Variants in CACNA2D3 observed in about 807,000 individuals in gnomAD.
CACNA2D3 encodes calcium voltage-gated channel auxiliary subunit alpha2delta 3.
A neutral mutation model predicts 160.6 loss-of-function variants in CACNA2D3; 60 were observed. The ratio of observed to expected loss-of-function variants is 0.37; its 90% CI spans 0.30 to 0.46. The LOEUF is 0.46. Among genes scored for constraint, CACNA2D3 ranks in the 20% least tolerant of loss-of-function variants. The pLI is 1.00. For missense variants in CACNA2D3, 1,205 were observed against 1,365.0 expected, an observed-to-expected ratio of 0.88 and a Z score of 1.85; for synonymous variants, 558 against 492.9, an observed-to-expected ratio of 1.13 and a Z score of -1.75.
chr3:54,877,254 C>T (rs540877479), intron 18 of CACNA2D3: 6 of 152,272 alleles, frequency 3.9e-5, no homozygotes, highest in African/African-American at 1.2e-4. Context: ...GGGCATCTGC[C>T]TCAAGCAAAC....
intron 3 of CACNA2D3, among the ~76,000 whole-genome samples, chr3:54,384,759 G>T (rs567655150): frequency 1.3e-5 from 2 of 151,988 alleles, no homozygotes; most frequent in African/African-American, 4.8e-5. Flanking sequence ...TCACTCTGTC[G>T]CCCAGGCTGG....
intron 3 of CACNA2D3, among the ~76,000 whole-genome samples, chr3:54,335,308 T>G (rs1167192898): frequency 6.6e-6 from 1 of 152,190 alleles, no homozygotes; most frequent in Non-Finnish European, 1.5e-5. Flanking sequence ...ATTAAGAAAG[T>G]AAAGGAATAA....
intron 2 of CACNA2D3, among the ~76,000 whole-genome samples, chr3:54,285,271 C>G (rs1368186169): frequency 2.0e-5 from 3 of 152,184 alleles, no homozygotes; most frequent in Non-Finnish European, 4.4e-5. Flanking sequence ...AACGGCACAC[C>G]AGGAGATTAT....
chr3:55,000,156 T>C (rs1333107464), intron 31 of CACNA2D3, among the ~76,000 whole-genome samples: 1 of 152,160 alleles, frequency 6.6e-6, no homozygotes, highest in East Asian at 1.9e-4. Context: ...TCAGAGCTGA[T>C]TTTAGAGTCA....
intron 9 of CACNA2D3, among the ~76,000 whole-genome samples, chr3:54,590,444 A>G (rs567803182): frequency 5.9e-5 from 9 of 152,226 alleles, no homozygotes; most frequent in African/African-American, 2.2e-4. Flanking sequence ...GGGAGAGGTC[A>G]TTGTGATTAT....
At chr3:54,133,250 C>T (rs1402328512) in intron 2 of CACNA2D3, among the ~76,000 whole-genome samples, 5 of 152,058 alleles carry the variant, frequency 3.3e-5, no homozygotes, top group African/African-American at 1.2e-4. Context: ...CATAGCAACC[C>T]CTGAGGTCAG....
intron 13 of CACNA2D3, among the ~76,000 whole-genome samples, chr3:54,812,358 A>T (rs1388923674): frequency 6.6e-6 from 1 of 152,232 alleles, no homozygotes; most frequent in African/African-American, 2.4e-5. Context: ...CGAAAAGAGC[A>T]TATGACAAGA....
At chr3:54,216,953 C>CA (rs1701474017) in intron 2 of CACNA2D3, among the ~76,000 whole-genome samples, 1 of 152,104 alleles carries the variant, frequency 6.6e-6, no homozygotes, top group South Asian at 2.1e-4. Context: ...AAGTAGAACT[C>CA]AAAGAGTAAT....
At chr3:54,460,269 T>G (rs888919784) in intron 4 of CACNA2D3, among the ~76,000 whole-genome samples, 1 of 152,140 alleles carries the variant, frequency 6.6e-6, no homozygotes, top group African/African-American at 2.4e-5. Flanking sequence ...TCTTTTTTGG[T>G]TCCATATGAA....
intron 2 of CACNA2D3, among the ~76,000 whole-genome samples, chr3:54,136,648 G>T (rs1300500968): frequency 6.6e-6 from 1 of 152,190 alleles, no homozygotes; most frequent in Non-Finnish European, 1.5e-5. Flanking sequence ...GCTGTGTCAC[G>T]CCTCTGTGCC....
chr3:54,661,925 C>A (rs1699981278), intron 11 of CACNA2D3, among the ~76,000 whole-genome samples: 2 of 150,476 alleles, frequency 1.3e-5, no homozygotes, highest in East Asian at 4.0e-4. Context: ...AGTGAAATAT[C>A]CCCCCTGGAT....
chr3:54,618,388 C>T (rs1445628198), intron 9 of CACNA2D3, among the ~76,000 whole-genome samples: 5 of 147,314 alleles, frequency 3.4e-5, no homozygotes, highest in Admixed American at 3.4e-4. Context: ...CACACACACA[C>T]ACACACACAC....
At chr3:54,256,189 G>A (rs1370510306) in intron 2 of CACNA2D3, among the ~76,000 whole-genome samples, 1 of 152,178 alleles carries the variant, frequency 6.6e-6, no homozygotes, top group Admixed American at 6.5e-5. Context: ...CACTAGGAAG[G>A]TGTGTGGTGT....
chr3:54,170,483 C>G (rs1700542113), intron 2 of CACNA2D3, among the ~76,000 whole-genome samples: 3 of 152,176 alleles, frequency 2.0e-5, no homozygotes, highest in East Asian at 1.9e-4. Context: ...GATTTAGGGC[C>G]ACTCGGAAGC....
intron 2 of CACNA2D3, among the ~76,000 whole-genome samples, chr3:54,309,642 C>A (rs1489048403): frequency 6.6e-6 from 1 of 152,022 alleles, no homozygotes; most frequent in Non-Finnish European, 1.5e-5. Flanking sequence ...GGGCACTGGG[C>A]CTGGGACCCC....
intron 2 of CACNA2D3, among the ~76,000 whole-genome samples, chr3:54,300,278 G>A (rs935196605): frequency 6.6e-6 from 1 of 152,204 alleles, no homozygotes; most frequent in African/African-American, 2.4e-5. Context: ...CCTGATGGGG[G>A]TTTCATAGGA....
chr3:54,264,624 T>TAAAA (rs1176843601), intron 2 of CACNA2D3, among the ~76,000 whole-genome samples: 1 of 152,236 alleles, frequency 6.6e-6, no homozygotes, highest in Non-Finnish European at 1.5e-5. Flanking sequence ...TTGGCCAGAC[T>TAAAA]TTTTATCCAG....
chr3:54,666,952 G>A (rs1185003585), intron 11 of CACNA2D3, among the ~76,000 whole-genome samples: 1 of 152,182 alleles, frequency 6.6e-6, no homozygotes, highest in African/African-American at 2.4e-5. Flanking sequence ...GAATTCTAGT[G>A]GAACATTTGA....
At chr3:54,884,665 T>G (rs193034486) in intron 21 of CACNA2D3, among the ~76,000 whole-genome samples, 295 of 152,284 alleles carry the variant, frequency 1.9e-3, no homozygotes, top group African/African-American at 6.7e-3. Context: ...AACTCCCAGA[T>G]TCCATGCAAG....
Sources: gnomAD v4.1 joint callset for allele counts (sites outside exome capture counted in the v4.1 genomes callset) on GRCh38, gnomAD v4.1.1 for gene constraint, MANE v1.5 for transcripts, NCBI Gene and HGNC (gene_info 2026-07-23, HGNC 2026-07-21) for gene names.